Variants in MDM4 observed in about 807,000 individuals in gnomAD.
MDM4 encodes protein Mdm4.
Under a neutral mutation model 60.2 loss-of-function variants are expected in MDM4, and 2 were observed. That is an observed-to-expected ratio of 0.03 (90% confidence interval 0.01 to 0.10). The LOEUF is 0.10. Among genes scored for constraint, MDM4 ranks in the 10% least tolerant of loss-of-function variants. The pLI is 1.00. For missense variants in MDM4, 447 were observed against 577.5 expected, an observed-to-expected ratio of 0.77 and a Z score of 2.32; for synonymous variants, 202 against 198.1, an observed-to-expected ratio of 1.02 and a Z score of -0.17.
At chr1:204,523,473 A>ATTTTTTTTTTT (rs60954516) in intron 1 of MDM4, among the ~76,000 whole-genome samples, 1 of 58,950 alleles carries the variant, frequency 1.7e-5, no homozygotes, top group Non-Finnish European at 2.8e-5. Context: ...CCTAAAAAAA[A>ATTTTTTTTTTT]TTTTTTTTTT....
chr1:204,522,275 A>G (rs1659640452), intron 1 of MDM4, among the ~76,000 whole-genome samples: 1 of 152,072 alleles, frequency 6.6e-6, no homozygotes, highest in Non-Finnish European at 1.5e-5. Flanking sequence ...GGCTGCAGTG[A>G]GCTGTGATTG....
At position 204,530,376 on chromosome 1, in the gene MDM4, C is replaced by A. The variant is rs566879122; in HGVS notation, c.154-308C>A. 2.6e-5 allele frequency among the ~76,000 whole-genome samples: 4 copies of A among 152,202 alleles called. No individual in the cohort carries two copies. In the South Asian group the frequency reaches 6.2e-4, roughly 24 times the overall value. On this transcript the variant is annotated intron_variant, in intron 3 of 10. Coordinates refer to ENST00000367182, the MANE Select transcript of MDM4 (RefSeq NM_002393.5). Reference sequence around the variant, plus strand: ...TTACTTCTAGTAATAGAATAGACTTCTTTATTTGGACGTCTGAGAAAATTT... The same window carrying A: ...TTACTTCTAGTAATAGAATAGACTTATTTATTTGGACGTCTGAGAAAATTT...
In MDM4 at chr1:204,538,216, C is replaced by A; in HGVS notation, c.419C>A (p.Ala140Glu). 6.3e-7 allele frequency: 1 copy of A among 1,598,770 alleles called. No homozygotes were observed. The highest frequency in any genetic ancestry group is 8.6e-7 in the Non-Finnish European group (1 of 1,166,116). ...IPSQDQLKQS[A>E]EESSTSRKRT... is the part of the protein sequence containing the mutation. ...ACCTTTCCCTTCTTTCAGCAAAGTG[C>A]AGAGGAAAGTTCCACTTCCAGAAAA... Residue 140 changes from alanine (A) to glutamate (E), a missense_variant, in exon 7 of 11, where the codon GCA (alanine) becomes GAA (glutamate). Coordinates refer to ENST00000367182, the MANE Select transcript of MDM4 (RefSeq NM_002393.5).
intron 10 of MDM4, among the ~76,000 whole-genome samples, chr1:204,547,161 G>A (rs1662749094): frequency 6.6e-6 from 1 of 152,190 alleles, no homozygotes; most frequent in Admixed American, 6.5e-5. Flanking sequence ...GAGACACAAA[G>A]TTATTCAAAA....
chr1:204,546,970 C>T, intron 10 of MDM4, 93 bp downstream of exon 10: 3 of 708,998 alleles, frequency 4.2e-6, no homozygotes, highest in Non-Finnish European at 7.1e-6. Context: ...TGCTGTTTAC[C>T]CCTCATTTCT....
At chr1:204,527,064 G>T (rs988018915) in intron 3 of MDM4, among the ~76,000 whole-genome samples, 5 of 151,830 alleles carry the variant, frequency 3.3e-5, no homozygotes, top group Non-Finnish European at 5.9e-5. Context: ...GGAGGCTGAG[G>T]TGGAGGGATT....
chr1:204,556,770 C>T lies in MDM4; in HGVS notation c.*7088C>T. On this transcript the variant is annotated 3_prime_UTR_variant, in exon 11 of 11. Transcript: ENST00000367182. Reference sequence around the variant, plus strand: ...TTGCCTCATTTTTTCACTTTCTTTTCAATGAGAATCGAAGTGTTTCTTTTG... The same window carrying T: ...TTGCCTCATTTTTTCACTTTCTTTTTAATGAGAATCGAAGTGTTTCTTTTG... 4.7e-6 allele frequency: 1 copy of T among 214,252 alleles called. No homozygotes were observed. Among genetic ancestry groups the T allele is most frequent in the Non-Finnish European group, 9.4e-6 (1 of 106,102 alleles). 13.3% of individuals were successfully genotyped at this position (214,252 alleles called of 1,614,324 possible). A position where few individuals can be genotyped will look rare whatever the true frequency, so the allele number is the denominator to read the frequency against.
At chr1:204,548,493 A>G (rs573631220) in intron 10 of MDM4, among the ~76,000 whole-genome samples, 48 of 152,230 alleles carry the variant, frequency 3.2e-4, no homozygotes, top group Admixed American at 9.8e-4. Flanking sequence ...AAAGCATTTA[A>G]AATTCATTGA....
At chr1:204,529,134 C>T in intron 3 of MDM4, 1 of 1,045,064 alleles carries the variant, frequency 9.6e-7, no homozygotes, top group Non-Finnish European at 1.5e-6. Context: ...GCTGGAAGAG[C>T]TGCTTCCACT....
At chr1:204,542,298 A>G (rs1261662300) in intron 7 of MDM4, among the ~76,000 whole-genome samples, 2 of 152,192 alleles carry the variant, frequency 1.3e-5, no homozygotes, top group African/African-American at 2.4e-5. Flanking sequence ...ATCACCTATT[A>G]TGGTTTGTAT....
chr1:204,520,208 G>C (rs1436065971), intron 1 of MDM4, among the ~76,000 whole-genome samples: 1 of 151,330 alleles, frequency 6.6e-6, no homozygotes, highest in Non-Finnish European at 1.5e-5. Flanking sequence ...ACCCCGGGGG[G>C]TGGAGCCTGC....
At chr1:204,529,975 C>T (rs779495507) in intron 3 of MDM4, among the ~76,000 whole-genome samples, 1 of 152,170 alleles carries the variant, frequency 6.6e-6, no homozygotes, top group African/African-American at 2.4e-5. Flanking sequence ...TTCCCAGGTT[C>T]AAGTGATCCT....
intron 6 of MDM4, 116 bp from the exon 7 acceptor site, chr1:204,538,093 T>C: frequency 1.3e-6 from 1 of 769,466 alleles, no homozygotes; most frequent in East Asian, 2.4e-5. Flanking sequence ...TTGAGTTCTC[T>C]TTCTTGTGTG....
At position 204,546,687 on chromosome 1, in the gene MDM4, G is replaced by T. The variant is rs555208786; in HGVS notation, c.823-110G>T. The T allele has an allele frequency of 1.2e-5, 8 of 680,104 alleles. 1 individual carries two copies. The South Asian group carries it at 1.5e-4, about 13-fold the overall frequency. The allele number at this position is 680,104 out of a possible 1,614,324, so 42.1% of individuals were successfully genotyped here. A position where few individuals can be genotyped will look rare whatever the true frequency, so the allele number is the denominator to read the frequency against. On this transcript the variant is annotated intron_variant, in intron 9 of 10. Transcript: ENST00000367182. ...AGCTGTCTCCTTAAGTGCTAGAGAT[G>T]GGAGAAGAATGTGAGTTTTAAATTG...
At chr1:204,535,429 T>C (rs1233151752) in intron 5 of MDM4, among the ~76,000 whole-genome samples, 2 of 152,192 alleles carry the variant, frequency 1.3e-5, no homozygotes, top group Non-Finnish European at 2.9e-5. Context: ...AGTACTGGGA[T>C]TACAGGCGTG....
chr1:204,519,570 A>G (rs1367407064), intron 1 of MDM4, among the ~76,000 whole-genome samples: 1 of 152,144 alleles, frequency 6.6e-6, no homozygotes, highest in Admixed American at 6.6e-5. Flanking sequence ...TTGGCCTGGC[A>G]TGGTGGCTCA....
At chr1:204,519,960 C>A (rs909147844) in intron 1 of MDM4, among the ~76,000 whole-genome samples, 5 of 151,864 alleles carry the variant, frequency 3.3e-5, no homozygotes, top group Admixed American at 3.3e-4. Flanking sequence ...AAAATATAAA[C>A]GAAAAACTAA....
intron 3 of MDM4, chr1:204,528,859 C>T (rs1660534712): frequency 6.4e-7 from 1 of 1,565,968 alleles, no homozygotes; most frequent in Non-Finnish European, 8.8e-7. Flanking sequence ...AGCATCCGAG[C>T]TGTCATGGTG....
intron 10 of MDM4, among the ~76,000 whole-genome samples, chr1:204,548,656 G>GT (rs1276321187): frequency 2.0e-5 from 3 of 152,064 alleles, no homozygotes; most frequent in African/African-American, 7.3e-5. Flanking sequence ...AAATTTAGTC[G>GT]TTTTCAAATC....
Sources: gnomAD v4.1 joint callset for allele counts (sites outside exome capture counted in the v4.1 genomes callset) on GRCh38, gnomAD v4.1.1 for gene constraint, MANE v1.5 for transcripts, NCBI Gene and HGNC (gene_info 2026-07-23, HGNC 2026-07-21) for gene names.